The following USP28 variants were observed in gnomAD, a reference collection of about 807,000 sequenced individuals.
USP28 encodes ubiquitin carboxyl-terminal hydrolase 28.
Under a neutral mutation model 145.0 loss-of-function variants are expected in USP28, and 113 were observed. The ratio of observed to expected loss-of-function variants is 0.78; its 90% CI spans 0.67 to 0.91. The LOEUF is 0.91. Ranked by LOEUF, USP28 falls within the 40% of genes least tolerant of loss-of-function variation. The pLI is 0.00. For synonymous variants in USP28, 447 were observed against 450.9 expected (o/e 0.99, Z 0.11); for missense variants, 1,201 against 1,289.6 (o/e 0.93, Z 1.05).
In USP28 at chr11:113,861,110, C is replaced by A. The variant is rs577434401; in HGVS notation, c.58-6775G>T. ...TTCCACTCCAGCCTGGGCGACAAAG[C>A]GAGACTACACCTCAAAAAAAAAAAA... On this transcript the variant is annotated intron_variant, in intron 1 of 24. Coordinates refer to ENST00000003302, the Ensembl canonical transcript of USP28. Among the ~76,000 whole-genome samples, 7 of 142,824 alleles carry A rather than the reference C, an allele frequency of 4.9e-5. No homozygotes were observed. The East Asian group carries it at 1.2e-3, about 25-fold the overall frequency. 93.7% of individuals were successfully genotyped at this position (142,824 alleles called of 152,430 possible). A position where few individuals can be genotyped will look rare whatever the true frequency, so the allele number is the denominator to read the frequency against.
At chr11:113,841,632 G>A (rs1945203794) in intron 4 of USP28, 31 bp downstream of exon 4, 4 of 1,461,144 alleles carry the variant, frequency 2.7e-6, no homozygotes, top group Non-Finnish European at 3.8e-6. Flanking sequence ...CACAAATGTG[G>A]GGGGCAAGAA....
intron 24 of USP28, among the ~76,000 whole-genome samples, chr11:113,800,045 G>A (rs553844636): frequency 6.6e-6 from 1 of 151,072 alleles, no homozygotes; most frequent in Admixed American, 6.6e-5. Context: ...TCACTCTGTC[G>A]CCCAGGCTGG....
rs1946581165 is a variant in USP28 at position 113,852,494 on chromosome 11, T to C, written c.268+7A>G. ...CAAAGGACCAAGACAGGATATATGGTACCTACTTGCTAATACTTCCTTGTT... is the reference window on the plus strand; with the variant it reads ...CAAAGGACCAAGACAGGATATATGGCACCTACTTGCTAATACTTCCTTGTT... On this transcript the variant is annotated splice_region_variant and intron_variant, in intron 3 of 24. Transcript: ENST00000003302. 2.5e-6 allele frequency: 4 copies of C among 1,612,442 alleles called. No individual in the cohort carries two copies. Among genetic ancestry groups the C allele is most frequent in the Non-Finnish European group, 3.4e-6 (4 of 1,180,000 alleles).
intron 3 of USP28, among the ~76,000 whole-genome samples, chr11:113,846,016 T>G (rs940102093): frequency 1.3e-5 from 2 of 152,198 alleles, no homozygotes; most frequent in African/African-American, 4.8e-5. Context: ...GGAGTATTAC[T>G]CAACCTTAAA....
At chr11:113,830,804 A>G in intron 9 of USP28, 63 bp downstream of exon 9, 1 of 1,510,818 alleles carries the variant, frequency 6.6e-7, no homozygotes, top group Non-Finnish European at 9.2e-7. Context: ...GCCTCCTCAA[A>G]GGGACACAGT....
intron 3 of USP28, among the ~76,000 whole-genome samples, chr11:113,845,604 C>T (rs903456681): frequency 6.6e-6 from 1 of 152,118 alleles, no homozygotes; most frequent in Non-Finnish European, 1.5e-5. Context: ...GAGAGAGTCT[C>T]ACTCTGTCAC....
rs371459250 is a variant in USP28, at chr11:113,833,477, G to T, written c.702C>A (p.Asp234Glu). 5.0e-6 allele frequency: 8 copies of T among 1,614,030 alleles called. No homozygotes were observed. In the African/African-American group the frequency reaches 1.1e-4, roughly 22 times the overall value. The change falls in exon 7 of 25, where the codon GAC becomes GAA. Residue 234 changes from aspartate (D) to glutamate (E), a missense_variant. Coordinates refer to ENST00000003302, the Ensembl canonical transcript of USP28. ...TTAATAGATCCAGGGCTGCAGACGG[G>T]TCTACAAATTTTCTATTTGATCCCA...
intron 3 of USP28, among the ~76,000 whole-genome samples, chr11:113,850,884 T>A (rs1357238767): frequency 6.6e-6 from 1 of 152,208 alleles, no homozygotes; most frequent in South Asian, 2.1e-4. Context: ...GTCTCCACCA[T>A]CTTTCTGACA....
At chr11:113,850,303 C>T (rs538093215) in intron 3 of USP28, among the ~76,000 whole-genome samples, 27 of 152,114 alleles carry the variant, frequency 1.8e-4, no homozygotes, top group African/African-American at 6.5e-4. Flanking sequence ...AGCATGAATC[C>T]GAACAGCTCA....
At chr11:113,842,785 C>A (rs984513485) in intron 3 of USP28, among the ~76,000 whole-genome samples, 15 of 152,146 alleles carry the variant, frequency 9.9e-5, no homozygotes, top group African/African-American at 3.4e-4. Context: ...AAAAAATATC[C>A]TTAGGCTGAG....
At chr11:113,827,386 A>G (rs1943502938) in intron 10 of USP28, 26 bp from the exon 11 acceptor site, 12 of 1,550,970 alleles carry the variant, frequency 7.7e-6, no homozygotes, top group Non-Finnish European at 1.0e-5. Context: ...GAAATGTGAG[A>G]GAAAGAAAAA....
intron 1 of USP28, among the ~76,000 whole-genome samples, chr11:113,866,170 T>TA (rs1431311011): frequency 6.6e-6 from 1 of 152,080 alleles, no homozygotes; most frequent in Non-Finnish European, 1.5e-5. Flanking sequence ...CACGCGCCTG[T>TA]AATCCCAGCT....
intron 22 of USP28, 134 bp downstream of exon 23, chr11:113,803,664 G>A: frequency 1.5e-6 from 1 of 681,934 alleles, no homozygotes; most frequent in Non-Finnish European, 2.5e-6. Flanking sequence ...CCAAAGCACT[G>A]CAAGAGAAGA....
exon 12 of USP28, chr11:113,823,620 T>C: frequency 6.2e-7 from 1 of 1,612,206 alleles, no homozygotes. Context: ...CAATTTTTGC[T>C]GCAGAATTTT....
At chr11:113,832,954 G>A (rs1191479405) in intron 7 of USP28, among the ~76,000 whole-genome samples, 2 of 152,086 alleles carry the variant, frequency 1.3e-5, no homozygotes, top group Non-Finnish European at 2.9e-5. Flanking sequence ...ATAGGAGGTA[G>A]GGAAGGGAAA....
chr11:113,834,648 G>A (rs1471460282), intron 5 of USP28, among the ~76,000 whole-genome samples: 1 of 152,130 alleles, frequency 6.6e-6, no homozygotes, highest in Non-Finnish European at 1.5e-5. Context: ...AAACTCCTGA[G>A]CTCAAGGGAT....
intron 1 of USP28, among the ~76,000 whole-genome samples, chr11:113,867,520 G>C (rs1386210905): frequency 6.6e-6 from 1 of 150,972 alleles, no homozygotes; most frequent in Non-Finnish European, 1.5e-5. Context: ...ACCTCACCCA[G>C]CCCCACTTTA....
chr11:113,835,220 A>G (rs1350084474), intron 5 of USP28: 1 of 446,946 alleles, frequency 2.2e-6, no homozygotes, highest in African/African-American at 2.0e-5. Flanking sequence ...TCATAAGTTA[A>G]TTTTCTTTAA....
At chr11:113,823,280 C>T (rs1229769423) in intron 12 of USP28, among the ~76,000 whole-genome samples, 4 of 152,168 alleles carry the variant, frequency 2.6e-5, no homozygotes, top group Non-Finnish European at 4.4e-5. Flanking sequence ...CATCGTGACA[C>T]TTGCTTCTCT....
Sources: allele counts gnomAD v4.1 joint callset (sites outside exome capture counted in the v4.1 genomes callset), GRCh38; gene constraint gnomAD v4.1.1; transcripts MANE v1.5; gene names NCBI Gene and HGNC (gene_info 2026-07-23, HGNC 2026-07-21).